The following VDR variants were observed in gnomAD, a reference collection of about 807,000 sequenced individuals.
VDR encodes the protein vitamin D receptor.
A neutral mutation model predicts 39.7 loss-of-function variants in VDR; 19 were observed. That is an observed-to-expected ratio of 0.48 (90% CI 0.33 to 0.70). The LOEUF is 0.70. Among genes scored for constraint, VDR ranks in the 30% least tolerant of loss-of-function variants. VDR has a pLI of 0.02. For synonymous variants in VDR, 242 were observed against 215.8 expected (o/e 1.12, Z -1.07); for missense variants, 442 against 570.5 (o/e 0.77, Z 2.29).
chr12:47,850,607 C>T (rs1945365864), intron 7 of VDR, among the ~76,000 whole-genome samples: 1 of 152,136 alleles, frequency 6.6e-6, no homozygotes, highest in Non-Finnish European at 1.5e-5. Context: ...AAATACAGGG[C>T]CTTTCTAAAT....
At chr12:47,903,568 T>G (rs536828428) in intron 1 of VDR, among the ~76,000 whole-genome samples, 1 of 152,228 alleles carries the variant, frequency 6.6e-6, no homozygotes, top group Non-Finnish European at 1.5e-5. Flanking sequence ...TCCATAGAAT[T>G]GAGGCTCCAA....
chr12:47,845,297 C>T (rs981764602), intron 9 of VDR, among the ~76,000 whole-genome samples: 8 of 151,850 alleles, frequency 5.3e-5, no homozygotes, highest in Non-Finnish European at 1.2e-4. Context: ...ATGCGCCATG[C>T]TCTCTGGCCA....
At chr12:47,871,004 C>T (rs1945843389) in intron 3 of VDR, among the ~76,000 whole-genome samples, 1 of 152,048 alleles carries the variant, frequency 6.6e-6, no homozygotes, top group African/African-American at 2.4e-5. Context: ...ATGTGAGAGG[C>T]AGCATCAGGG....
chr12:47,866,050 G>GT (rs1945728064), intron 3 of VDR, among the ~76,000 whole-genome samples: 1 of 151,390 alleles, frequency 6.6e-6, no homozygotes, highest in Admixed American at 6.6e-5. Context: ...ACAGTACTCT[G>GT]TTCCCCTTCC....
At chr12:47,846,288 C>A (rs372432525) in intron 9 of VDR, 47 bp downstream of exon 9, 169 of 1,561,814 alleles carry the variant, frequency 1.1e-4, no homozygotes, top group Middle Eastern at 5.2e-4. Context: ...GTCCTTCATA[C>A]TCCCCGCTCC....
chr12:47,893,902 C>T (rs1368036214), intron 1 of VDR, among the ~76,000 whole-genome samples: 1 of 152,196 alleles, frequency 6.6e-6, no homozygotes, highest in Non-Finnish European at 1.5e-5. Flanking sequence ...ACAAGCCTTG[C>T]CTTACCCTCA....
intron 1 of VDR, among the ~76,000 whole-genome samples, chr12:47,897,338 G>T (rs1322409284): frequency 1.3e-5 from 2 of 152,240 alleles, no homozygotes; most frequent in African/African-American, 4.8e-5. Context: ...AGGGTCAAAG[G>T]TTGGTATAGA....
At chr12:47,898,022 T>A (rs1389301894) in intron 1 of VDR, among the ~76,000 whole-genome samples, 1 of 152,156 alleles carries the variant, frequency 6.6e-6, no homozygotes, top group East Asian at 1.9e-4. Context: ...GAGCACATAG[T>A]ATGGGCTCAC....
chr12:47,882,483 C>G (rs1232429601), intron 2 of VDR, among the ~76,000 whole-genome samples: 2 of 152,058 alleles, frequency 1.3e-5, no homozygotes, highest in African/African-American at 2.4e-5. Flanking sequence ...CCAGCAAGCC[C>G]CATCTCCTGA....
intron 4 of VDR, among the ~76,000 whole-genome samples, chr12:47,861,280 A>T (rs1945620529): frequency 6.6e-6 from 1 of 152,274 alleles, no homozygotes; most frequent in Admixed American, 6.5e-5. Flanking sequence ...CACTTTAAAG[A>T]GACAAAGAAA....
At position 47,846,761 on chromosome 12, in the gene VDR, A is replaced by G. The variant is rs1164008328; in HGVS notation, c.803T>C (p.Ile268Thr). ...ATTGGAGCGCAACATGATGACCTCAATGGCACTTGACTTCAGCAGTACGAT... is the reference window on the plus strand; with the variant it reads ...ATTGGAGCGCAACATGATGACCTCAGTGGCACTTGACTTCAGCAGTACGAT... ...DQIVLLKSSA[I>T]EVIMLRSNES... is the part of the protein sequence containing the mutation. Residue 268 changes from isoleucine to threonine, a missense_variant, in exon 8 of 10, where the codon ATT becomes ACT. By Grantham distance (89) the Ile-to-Thr change is moderately conservative. This residue lies in a region of VDR where 173 missense variants were observed against 252.0 expected (regional missense o/e 0.69). Transcript: ENST00000549336. 2.5e-6 allele frequency: 4 copies of G among 1,614,196 alleles called. No individual in the cohort carries two copies. Among genetic ancestry groups the G allele is most frequent in the African/African-American group, 1.3e-5 (1 of 75,046 alleles).
At chr12:47,887,422 C>T (rs1177248230) in intron 1 of VDR, among the ~76,000 whole-genome samples, 1 of 151,922 alleles carries the variant, frequency 6.6e-6, no homozygotes, top group Non-Finnish European at 1.5e-5. Flanking sequence ...ACACTAAGCC[C>T]TAAGACACTT....
chr12:47,856,596 T>A (rs1945492376), intron 6 of VDR, among the ~76,000 whole-genome samples: 1 of 150,194 alleles, frequency 6.7e-6, no homozygotes, highest in Non-Finnish European at 1.5e-5. Context: ...ACAATTTCTT[T>A]TCTAAATATA....
intron 9 of VDR, among the ~76,000 whole-genome samples, chr12:47,845,328 C>T (rs1299554230): frequency 6.6e-6 from 1 of 151,656 alleles, no homozygotes; most frequent in Non-Finnish European, 1.5e-5. Context: ...CATCTGTGCT[C>T]CCTCTGCTTG....
chr12:47,850,760 C>T (rs1412658369), intron 7 of VDR, among the ~76,000 whole-genome samples: 2 of 152,088 alleles, frequency 1.3e-5, no homozygotes, highest in Non-Finnish European at 2.9e-5. Context: ...ACATTTACAC[C>T]CTCCTCTGTC....
At position 47,857,130 on chromosome 12, in the gene VDR, T is replaced by G. The variant is rs561734339; in HGVS notation, c.582A>C (p.Ser194=). Residue 194 remains serine (S), a splice_region_variant and synonymous_variant, in exon 6 of 10, where the codon TCA becomes TCC. Transcript: ENST00000549336. The stretch of plus-strand genomic sequence containing the variant: ...ATGGAGGACTGAAGTCCTGCTTACC[T>G]GAAGAGGTGATACAGTGATCTGAGC... ...SSCSDHCITS[S]DMMDSSSFSN... is the part of the protein sequence containing the mutation. 2.0e-5 allele frequency: 33 copies of G among 1,614,076 alleles called. No homozygotes were observed. The African/African-American group carries it at 4.4e-4, about 22-fold the overall frequency.
At chr12:47,879,161 C>G (rs775908335) in intron 2 of VDR, 46 bp from the exon 3 acceptor site, 7 of 1,597,732 alleles carry the variant, frequency 4.4e-6, no homozygotes, top group African/African-American at 2.7e-5. Flanking sequence ...GAGTCAGTGC[C>G]AGGGCCAGCT....
chr12:47,904,749 T>C, intron 1 of VDR: 1 of 1,027,588 alleles, frequency 9.7e-7, no homozygotes, highest in Non-Finnish European at 1.4e-6. Flanking sequence ...CTCGCCAGCC[T>C]GGCACGAACT....
At chr12:47,855,535 A>C (rs995005057) in intron 7 of VDR, 95 bp downstream of exon 7, 1 of 1,452,898 alleles carries the variant, frequency 6.9e-7, no homozygotes, top group African/African-American at 1.4e-5. Flanking sequence ...ATAAAAAATA[A>C]AAAAAAGAAG....
Sources: allele counts gnomAD v4.1 joint callset (sites outside exome capture counted in the v4.1 genomes callset), GRCh38; gene constraint gnomAD v4.1.1; regional missense constraint gnomAD v4.1.1; transcripts MANE v1.5; gene names NCBI Gene and HGNC (gene_info 2026-07-23, HGNC 2026-07-21).